MYO5C: variants seen among roughly 807,000 people sequenced by gnomAD.
MYO5C encodes the protein myosin VC, also known as unconventional myosin-Vc.
MYO5C carries 194 observed loss-of-function variants against 235.7 expected under a neutral mutation model. The observed-to-expected ratio is 0.82, with a 90% CI of 0.73 to 0.93. MYO5C has a LOEUF of 0.93. Ranked by LOEUF, MYO5C falls within the 40% of genes least tolerant of loss-of-function variation. The probability of loss-of-function intolerance (pLI) is 0.00; values close to 1 mark genes in which losing one functional copy is unlikely to be tolerated. For synonymous variants in MYO5C, 707 were observed against 754.8 expected (o/e 0.94, Z 1.04); for missense variants, 2,038 against 2,127.2 (o/e 0.96, Z 0.82).
rs1207915381 is a variant in MYO5C at position 52,264,182 on chromosome 15, C to T, written c.1047+8G>A. Reference sequence around the variant, plus strand: ...ACAAAGGAAAAGTAAAACAAATGAGCATCTCACACTAACTGAGGACCTCTC... The same window carrying T: ...ACAAAGGAAAAGTAAAACAAATGAGTATCTCACACTAACTGAGGACCTCTC... On this transcript the variant is annotated splice_region_variant and intron_variant, in intron 9 of 40. Coordinates refer to ENST00000261839, the MANE Select transcript of MYO5C (RefSeq NM_018728.4). 2 of 1,590,946 alleles carry T rather than the reference C, an allele frequency of 1.3e-6. No individual in the cohort carries two copies. Among genetic ancestry groups the T allele is most frequent in the Non-Finnish European group, 1.7e-6 (2 of 1,160,136 alleles).
chr15:52,196,405 G>A lies in MYO5C; in HGVS notation c.4899C>T (p.Pro1633=), dbSNP rs1248841845. The A allele has an allele frequency of 1.2e-6, 2 of 1,614,166 alleles. No individual in the cohort carries two copies. Among genetic ancestry groups the A allele is most frequent in the South Asian group, 2.2e-5 (2 of 91,084 alleles). Residue 1633 remains proline (P), a synonymous_variant, in exon 39 of 41, where the codon CCC becomes CCT. Coordinates refer to ENST00000261839, the MANE Select transcript of MYO5C (RefSeq NM_018728.4). ...QNSLAKETLE[P]LSQAAWLLQV... is the part of the protein sequence containing the mutation. ...GAAGCAACCAGGCTGCCTGAGAGAG[G>A]GGCTCCAAAGTTTCCTTTGCTAAGC... is the stretch of plus-strand genomic sequence containing the variant.
chr15:52,251,087 G>T (rs931323678), intron 13 of MYO5C: 1 of 194,664 alleles, frequency 5.1e-6, no homozygotes, highest in East Asian at 1.2e-4. Flanking sequence ...GAATTATGCT[G>T]TCTTGATTAT....
In MYO5C at chr15:52,246,994, C is replaced by T; in HGVS notation, c.1902G>A (p.Leu634=). Residue 634 remains leucine, a synonymous_variant, in exon 16 of 41, where the codon TTG becomes TTA. Coordinates refer to ENST00000261839, the MANE Select transcript of MYO5C (RefSeq NM_018728.4). ...VGSKFRSSLY[L]LMETLNATTP... ...TCGTCGCATTGAGGGTCTCCATGAG[C>T]AAGTACAGAGAGCTGCGGAACTAGG... 1 of 1,613,838 alleles carries T rather than the reference C, an allele frequency of 6.2e-7. No homozygotes were observed. Among genetic ancestry groups the T allele is most frequent in the Non-Finnish European group, 8.5e-7 (1 of 1,179,886 alleles).
chr15:52,252,640 TG>T lies in MYO5C; in HGVS notation c.1536+676del, dbSNP rs1023659750. 3.3e-5 allele frequency among the ~76,000 whole-genome samples: 5 copies of T among 152,136 alleles called. No individual in the cohort carries two copies. The South Asian group carries it at 1.0e-3, about 32-fold the overall frequency. On this transcript the variant is annotated intron_variant, in intron 12 of 40. Transcript: ENST00000261839. Reference sequence around the variant, plus strand: ...AATACAAAAAATTAGCTGGGCATGGTGGTGTGCGCCTATAATTCCAGCTACT... The same window carrying T: ...AATACAAAAAATTAGCTGGGCATGGTGTGTGCGCCTATAATTCCAGCTACT...
chr15:52,221,244 G>C lies in MYO5C; in HGVS notation c.3639C>G (p.Asp1213Glu). The change falls in exon 30 of 41, where the codon GAC becomes GAG. Residue 1213 changes from aspartate (D) to glutamate (E), a missense_variant. Asp to Glu is a conservative substitution (Grantham distance 45, BLOSUM62 2). Coordinates refer to ENST00000261839, the MANE Select transcript of MYO5C (RefSeq NM_018728.4). Reference protein sequence around the residue: ...RLTSENMMIPDFKQQISELEK... With the variant: ...RLTSENMMIPEFKQQISELEK... ...CCAATTCTGAAATTTGCTGTTTAAA[G>C]TCTGGGATCATCTTTAGAGAAGAAT... 6.2e-7 allele frequency: 1 copy of C among 1,607,970 alleles called. No individual in the cohort carries two copies. The highest frequency in any genetic ancestry group is 8.5e-7 in the Non-Finnish European group (1 of 1,176,370).
chr15:52,265,833 G>C (rs1473091300), intron 8 of MYO5C, among the ~76,000 whole-genome samples: 1 of 152,108 alleles, frequency 6.6e-6, no homozygotes, highest in Non-Finnish European at 1.5e-5. Context: ...ACCTGGCCCA[G>C]AGTCTCCTCT....
intron 9 of MYO5C, among the ~76,000 whole-genome samples, chr15:52,261,401 C>T (rs1167129822): frequency 6.6e-6 from 1 of 152,240 alleles, no homozygotes; most frequent in Non-Finnish European, 1.5e-5. Flanking sequence ...TTCATTTTAA[C>T]CAAAGAATGT....
intron 36 of MYO5C, among the ~76,000 whole-genome samples, chr15:52,208,068 T>C (rs1239926930): frequency 6.6e-6 from 1 of 152,218 alleles, no homozygotes; most frequent in African/African-American, 2.4e-5. Context: ...CTGAAAACCC[T>C]GAAAGCCACT....
At chr15:52,196,258 G>C in intron 39 of MYO5C, 51 bp downstream of exon 39, 2 of 1,525,984 alleles carry the variant, frequency 1.3e-6, no homozygotes, top group Non-Finnish European at 1.8e-6. Context: ...AATGCCCACT[G>C]CACTGATGTG....
At chr15:52,269,687 G>T in intron 8 of MYO5C, 66 bp downstream of exon 8, 2 of 1,083,624 alleles carry the variant, frequency 1.8e-6, no homozygotes, top group Non-Finnish European at 2.8e-6. Flanking sequence ...CACCACGCCT[G>T]GCCTTAATTT....
Position 52,223,448 on chromosome 15 carries a change from C to A in MYO5C, c.3627+96G>T, listed in dbSNP as rs529675829. The A allele has an allele frequency of 1.2e-4, 141 of 1,174,428 alleles. No individual in the cohort carries two copies. The African/African-American group carries it at 2.0e-3, about 17-fold the overall frequency. 72.8% of individuals were successfully genotyped at this position (1,174,428 alleles called of 1,614,324 possible). On this transcript the variant is annotated intron_variant, in intron 29 of 40. Coordinates refer to ENST00000261839, the MANE Select transcript of MYO5C (RefSeq NM_018728.4). ...CACTTCTGGAAAAAGTAATTTATAT[C>A]CACTCTTTTACTGCCAAGAAACTGA... is the stretch of plus-strand genomic sequence containing the variant.
chr15:52,196,243 A>G, intron 39 of MYO5C, 66 bp downstream of exon 39: 2 of 1,464,410 alleles, frequency 1.4e-6, no homozygotes, highest in Non-Finnish European at 1.8e-6. Flanking sequence ...TAAACCAAGA[A>G]AGGCAATGCC....
chr15:52,235,425 G>C (rs1449878790), intron 23 of MYO5C, among the ~76,000 whole-genome samples: 1 of 152,180 alleles, frequency 6.6e-6, no homozygotes, highest in Non-Finnish European at 1.5e-5. Context: ...TTTGCAAAGG[G>C]CCCAGGAGGT....
At chr15:52,209,959 A>T (rs942378601) in intron 35 of MYO5C, among the ~76,000 whole-genome samples, 9 of 151,994 alleles carry the variant, frequency 5.9e-5, no homozygotes, top group Admixed American at 3.3e-4. Context: ...TTTATTAATT[A>T]ATTAATTAAT....
intron 25 of MYO5C, among the ~76,000 whole-genome samples, chr15:52,228,549 T>C (rs1393391337): frequency 6.6e-6 from 1 of 152,244 alleles, no homozygotes; most frequent in Non-Finnish European, 1.5e-5. Context: ...TGAAAATTTA[T>C]AGCTTTATTG....
intron 20 of MYO5C, among the ~76,000 whole-genome samples, chr15:52,241,494 C>T (rs542728487): frequency 1.3e-5 from 2 of 152,094 alleles, no homozygotes; most frequent in African/African-American, 2.4e-5. Flanking sequence ...CTCCTGACCT[C>T]ATGATCCACT....
At chr15:52,199,626 C>T (rs2035138622) in intron 38 of MYO5C, among the ~76,000 whole-genome samples, 1 of 152,176 alleles carries the variant, frequency 6.6e-6, no homozygotes, top group South Asian at 2.1e-4. Context: ...GATTCTAGCT[C>T]AAGGAGCTGA....
intron 1 of MYO5C, among the ~76,000 whole-genome samples, chr15:52,286,253 C>T (rs1392755823): frequency 1.5e-4 from 22 of 149,828 alleles, no homozygotes; most frequent in African/African-American, 4.9e-4. Flanking sequence ...CCAGCCGCCT[C>T]GTCTGGGAGG....
At position 52,211,400 on chromosome 15, in the gene MYO5C, C is replaced by T. The variant is rs570023107; in HGVS notation, c.4296+330G>A. Among the ~76,000 whole-genome samples the T allele has an allele frequency of 4.6e-5, 7 of 152,266 alleles. No homozygotes were observed. The East Asian group carries it at 7.7e-4, about 17-fold the overall frequency. On this transcript the variant is annotated intron_variant, in intron 35 of 40. Coordinates refer to ENST00000261839, the MANE Select transcript of MYO5C (RefSeq NM_018728.4). ...CCAAGGGAAGAGATGAATAATTTTTCACTCCATTTCATTTCTCATGATTTA... is the reference window on the plus strand; with the variant it reads ...CCAAGGGAAGAGATGAATAATTTTTTACTCCATTTCATTTCTCATGATTTA...
Sources: allele counts gnomAD v4.1 joint callset (sites outside exome capture counted in the v4.1 genomes callset), GRCh38; gene constraint gnomAD v4.1.1; transcripts MANE v1.5; gene names NCBI Gene and HGNC (gene_info 2026-07-23, HGNC 2026-07-21).